MIPOL1: variants seen among roughly 807,000 people sequenced by gnomAD.
MIPOL1 encodes the protein mirror-image polydactyly 1.
A neutral mutation model predicts 60.9 loss-of-function variants in MIPOL1; 57 were observed. The observed-to-expected ratio is 0.94, with a 90% confidence interval of 0.76 to 1.17. MIPOL1 has a LOEUF of 1.17. MIPOL1 is among the 50% of genes most tolerant of loss of function. The pLI is 0.00. For missense variants in MIPOL1, 551 were observed against 511.6 expected (o/e 1.08, Z -0.74); for synonymous variants, 179 against 168.8 (o/e 1.06, Z -0.47).
intron 11 of MIPOL1, among the ~76,000 whole-genome samples, chr14:37,430,516 A>ATTTT (rs1458151767): frequency 3.0e-5 from 3 of 101,324 alleles, no homozygotes; most frequent in Non-Finnish European, 5.0e-5. Flanking sequence ...TTTTTTTAAA[A>ATTTT]AAAAGTATAC....
intron 1 of MIPOL1, among the ~76,000 whole-genome samples, chr14:37,219,366 A>G (rs541340068): frequency 6.6e-5 from 10 of 152,134 alleles, no homozygotes; most frequent in Middle Eastern, 3.4e-3. Context: ...CTTTTTATTT[A>G]TTTTTTATGT....
chr14:37,343,759 T>C (rs954204428), intron 9 of MIPOL1, among the ~76,000 whole-genome samples: 1 of 152,200 alleles, frequency 6.6e-6, no homozygotes, highest in African/African-American at 2.4e-5. Context: ...ATTCATATGA[T>C]CAATAAAAGG....
At chr14:37,294,415 A>G (rs1370113624) in intron 7 of MIPOL1, among the ~76,000 whole-genome samples, 3 of 152,168 alleles carry the variant, frequency 2.0e-5, no homozygotes, top group African/African-American at 7.2e-5. Flanking sequence ...TCCTCCTCCA[A>G]AGGAACGCAG....
intron 12 of MIPOL1, among the ~76,000 whole-genome samples, chr14:37,534,157 T>A (rs2095495358): frequency 6.6e-6 from 1 of 152,010 alleles, no homozygotes; most frequent in Non-Finnish European, 1.5e-5. Flanking sequence ...AAGCAGTGAT[T>A]CATTGTTATC....
intron 11 of MIPOL1, among the ~76,000 whole-genome samples, chr14:37,438,060 T>C (rs1465371907): frequency 6.6e-6 from 1 of 152,148 alleles, no homozygotes; most frequent in Non-Finnish European, 1.5e-5. Context: ...AAAAAATATT[T>C]TGTGAAAATG....
At chr14:37,399,040 A>C (rs761818) in intron 10 of MIPOL1, among the ~76,000 whole-genome samples, 1 of 152,204 alleles carries the variant, frequency 6.6e-6, no homozygotes, top group Admixed American at 6.5e-5. Context: ...ATAGAAAGCA[A>C]GATTGCAATT....
chr14:37,268,699 T>C lies in MIPOL1; in HGVS notation c.293T>C (p.Met98Thr). Residue 98 changes from methionine (M) to threonine (T), a missense_variant, in exon 5 of 13, where the codon ATG (methionine) becomes ACG (threonine). Transcript: ENST00000684589. ...HRHNDMHYEC[M>T]TPCQVTSDSD... The stretch of plus-strand genomic sequence containing the variant: ...CATAATGATATGCATTATGAATGTA[T>C]GACTCCTTGTCAAGTTACTTCAGAC... The C allele has an allele frequency of 6.2e-7, 1 of 1,603,286 alleles. No homozygotes were observed. The highest frequency in any genetic ancestry group is 1.7e-5 in the Admixed American group (1 of 58,678).
At chr14:37,230,533 G>T (rs1970459982) in intron 1 of MIPOL1, among the ~76,000 whole-genome samples, 2 of 152,154 alleles carry the variant, frequency 1.3e-5, no homozygotes, top group South Asian at 4.1e-4. Context: ...TTTCCTTGGA[G>T]AAATCAGCTG....
At chr14:37,348,002 C>T (rs1398580106) in intron 9 of MIPOL1, among the ~76,000 whole-genome samples, 1 of 152,042 alleles carries the variant, frequency 6.6e-6, no homozygotes, top group African/African-American at 2.4e-5. Context: ...TATAATTGAT[C>T]CCATCGCCCA....
chr14:37,502,415 C>G (rs143586679), intron 12 of MIPOL1: 1 of 152,332 alleles, frequency 6.6e-6, no homozygotes, highest in African/African-American at 2.4e-5. Context: ...GATCAGGCAG[C>G]AATATTTGCT....
At chr14:37,515,454 A>G (rs1381831301) in intron 12 of MIPOL1, among the ~76,000 whole-genome samples, 1 of 152,172 alleles carries the variant, frequency 6.6e-6, no homozygotes, top group African/African-American at 2.4e-5. Flanking sequence ...TGGCATTTAT[A>G]CAATACAAAC....
rs761683096 is a variant in MIPOL1 at position 37,268,782 on chromosome 14, A to G, written c.376A>G (p.Ser126Gly). Residue 126 changes from serine (S) to glycine (G), a missense_variant, in exon 5 of 13, where the codon AGC (serine) becomes GGC (glycine). Physicochemically the swap from Ser to Gly is moderately conservative, Grantham distance 56. Coordinates refer to ENST00000684589, the MANE Select transcript of MIPOL1 (RefSeq NM_001388067.1). ...AAAAGAATTGGATATTCTCAGAACAAGCAATAAAAAGGTATAATATGGAAA... is the reference window on the plus strand; with the variant it reads ...AAAAGAATTGGATATTCTCAGAACAGGCAATAAAAAGGTATAATATGGAAA... ...LLKELDILRT[S>G]NKKLQQKLAK... is the part of the protein sequence containing the mutation. 1 of 1,576,506 alleles carries G rather than the reference A, an allele frequency of 6.3e-7. No individual in the cohort carries two copies. The highest frequency in any genetic ancestry group is 8.6e-7 in the Non-Finnish European group (1 of 1,158,004).
At chr14:37,360,571 T>C (rs1457761992) in intron 9 of MIPOL1, among the ~76,000 whole-genome samples, 3 of 152,246 alleles carry the variant, frequency 2.0e-5, no homozygotes, top group Non-Finnish European at 4.4e-5. Flanking sequence ...CAGGAATTCA[T>C]CCATTTCTTC....
At chr14:37,330,211 G>GCAAT (rs1307835763) in intron 9 of MIPOL1, among the ~76,000 whole-genome samples, 6 of 151,890 alleles carry the variant, frequency 4.0e-5, no homozygotes, top group Non-Finnish European at 8.8e-5. Context: ...CTATAGAAAT[G>GCAAT]CAATACTTTT....
chr14:37,425,332 A>G (rs1296369398), intron 11 of MIPOL1, among the ~76,000 whole-genome samples: 1 of 152,184 alleles, frequency 6.6e-6, no homozygotes, highest in Non-Finnish European at 1.5e-5. Context: ...AGATGATTAA[A>G]TCATTTTTGA....
At chr14:37,325,935 T>C (rs1006754760) in intron 9 of MIPOL1, among the ~76,000 whole-genome samples, 2 of 152,196 alleles carry the variant, frequency 1.3e-5, no homozygotes, top group Non-Finnish European at 2.9e-5. Flanking sequence ...ATCCATGTTA[T>C]GTCCTCCCGC....
intron 9 of MIPOL1, among the ~76,000 whole-genome samples, chr14:37,332,741 CT>C (rs1358360909): frequency 1.3e-5 from 2 of 152,050 alleles, no homozygotes; most frequent in South Asian, 2.1e-4. Context: ...GGCAATTCAA[CT>C]TTTTTTTGGT....
chr14:37,494,981 G>A lies in MIPOL1; in HGVS notation c.1032-4927G>A, dbSNP rs1245980869. 2.0e-5 allele frequency among the ~76,000 whole-genome samples: 3 copies of A among 151,888 alleles called. No individual in the cohort carries two copies. In the South Asian group the frequency reaches 6.2e-4, roughly 32 times the overall value. ...AAAAATCAAAATCAGGTATAAATTT[G>A]CCCCCTAAAAATTAAATGATAGAAG... On this transcript the variant is annotated intron_variant, in intron 11 of 12. Coordinates refer to ENST00000684589, the MANE Select transcript of MIPOL1 (RefSeq NM_001388067.1).
At chr14:37,508,899 A>AACTCTCATCATTTT (rs2095303510) in intron 12 of MIPOL1, among the ~76,000 whole-genome samples, 1 of 152,088 alleles carries the variant, frequency 6.6e-6, no homozygotes, top group East Asian at 1.9e-4. Flanking sequence ...ATCCTACTTG[A>AACTCTCATCATTTT]ACTCTCATCA....
Sources: gnomAD v4.1 joint callset for allele counts (sites outside exome capture counted in the v4.1 genomes callset) on GRCh38, gnomAD v4.1.1 for gene constraint, MANE v1.5 for transcripts, NCBI Gene and HGNC (gene_info 2026-07-23, HGNC 2026-07-21) for gene names.